The following ANO1 variants were observed in gnomAD, a reference collection of about 807,000 sequenced individuals.
ANO1 encodes anoctamin 1.
Under a neutral mutation model 124.0 loss-of-function variants are expected in ANO1, and 59 were observed. That is an observed-to-expected ratio of 0.48 (90% CI 0.39 to 0.59). ANO1 has a LOEUF of 0.59. ANO1 is among the 20% of genes least tolerant of loss of function. The probability of loss-of-function intolerance (pLI) is 0.00; values close to 1 mark genes in which losing one functional copy is unlikely to be tolerated. For synonymous variants in ANO1, 529 were observed against 532.0 expected, an observed-to-expected ratio of 0.99 and a Z score of 0.08; for missense variants, 1,059 against 1,328.0, an observed-to-expected ratio of 0.80 and a Z score of 3.15.
At chr11:69,980,013 C>T in the ANO1 span, among the ~76,000 whole-genome samples, 5 of 152,046 alleles carry the variant, frequency 3.3e-5, no homozygotes, top group Admixed American at 1.3e-4. Flanking sequence ...ATGAAACTTC[C>T]GTTCATGGCC....
At chr11:70,013,449 G>A (rs1856637556) in intron 1 of ANO1, among the ~76,000 whole-genome samples, 1 of 152,016 alleles carries the variant, frequency 6.6e-6, no homozygotes, top group Non-Finnish European at 1.5e-5. Flanking sequence ...CATGTCCCAG[G>A]CATACATTAT....
intron 2 of ANO1, among the ~76,000 whole-genome samples, chr11:70,102,387 G>A (rs1034516960): frequency 6.6e-6 from 1 of 152,224 alleles, no homozygotes; most frequent in African/African-American, 2.4e-5. Flanking sequence ...GTGACTCTCT[G>A]CTGTTCACTG....
chr11:70,104,337 TA>T (rs938913714), intron 4 of ANO1, among the ~76,000 whole-genome samples, 187 bp downstream of exon 4: 2 of 152,146 alleles, frequency 1.3e-5, no homozygotes, highest in African/African-American at 2.4e-5. Flanking sequence ...ACTGATGAGT[TA>T]GGGGGACACA....
At chr11:70,163,005 C>G (rs1053852799) in intron 18 of ANO1, among the ~76,000 whole-genome samples, 5 of 152,250 alleles carry the variant, frequency 3.3e-5, no homozygotes, top group African/African-American at 1.2e-4. Context: ...GCCTTAATCC[C>G]CTCCTGGGCC....
At chr11:70,107,659 G>A (rs529832397) in intron 5 of ANO1, among the ~76,000 whole-genome samples, 1 of 152,340 alleles carries the variant, frequency 6.6e-6, no homozygotes, top group South Asian at 2.1e-4. Context: ...GGCCGGGAGT[G>A]GTGATGTCGC....
intron 8 of ANO1, 180 bp downstream of exon 8, chr11:70,116,679 C>T (rs1200726910): frequency 1.7e-5 from 10 of 583,460 alleles, no homozygotes; most frequent in East Asian, 2.9e-5. Flanking sequence ...AGTCCGTGAG[C>T]TTTGTGTGGC....
the ANO1 span, among the ~76,000 whole-genome samples, chr11:69,968,561 CA>C: frequency 0.021 from 3,184 of 152,324 alleles, 54 homozygotes; most frequent in Non-Finnish European, 0.035. Context: ...GGCGTGCTGC[CA>C]AAGTTCTGTG....
At chr11:70,163,068 C>G (rs2048119443) in intron 18 of ANO1, among the ~76,000 whole-genome samples, 1 of 152,252 alleles carries the variant, frequency 6.6e-6, no homozygotes, top group Admixed American at 6.5e-5. Context: ...GTTCCTTTTT[C>G]TGACCCCTCT....
intron 1 of ANO1, chr11:70,085,803 G>GTGGA: frequency 8.6e-7 from 1 of 1,159,918 alleles, no homozygotes; most frequent in Non-Finnish European, 1.2e-6. Flanking sequence ...TTTGGGGAGG[G>GTGGA]GCTCCACCCT....
intron 25 of ANO1, among the ~76,000 whole-genome samples, chr11:70,186,320 A>AGAG (rs1156595512): frequency 7.2e-6 from 1 of 138,660 alleles, no homozygotes; most frequent in African/African-American, 2.8e-5. Context: ...AAGGAGAAGG[A>AGAG]GAGGAGGAGG....
chr11:70,132,072 C>A lies in ANO1; in HGVS notation c.1251C>A (p.Ala417=). Residue 417 remains alanine, a synonymous_variant, in exon 11 of 26, where the codon GCC becomes GCA. Coordinates refer to ENST00000355303, the MANE Select transcript of ANO1 (RefSeq NM_018043.7). The stretch of plus-strand genomic sequence containing the variant: ...CGGTCTTCTTCTCTGTCTTCATGGC[C>A]CTCTGGGGTAAGCAGGGCTCCAGAG... ...PATVFFSVFM[A]LWAATFMEHW... The A allele has an allele frequency of 6.3e-7, 1 of 1,592,836 alleles. No homozygotes were observed.
At chr11:70,038,184 C>A (rs1857125682) in intron 1 of ANO1, among the ~76,000 whole-genome samples, 1 of 152,318 alleles carries the variant, frequency 6.6e-6, no homozygotes, top group East Asian at 1.9e-4. Flanking sequence ...CTTGACCTGG[C>A]ATTCTTGGAC....
chr11:70,181,357 C>T (rs2135834080), intron 23 of ANO1, among the ~76,000 whole-genome samples: 1 of 152,316 alleles, frequency 6.6e-6, no homozygotes, highest in South Asian at 2.1e-4. Context: ...CGGAGAAGGG[C>T]CCCTCAGAGC....
intron 2 of ANO1, among the ~76,000 whole-genome samples, chr11:70,099,796 G>A (rs537668515): frequency 6.6e-6 from 1 of 152,328 alleles, no homozygotes; most frequent in East Asian, 1.9e-4. Context: ...AGTTTGCGAT[G>A]AGGAAATGTA....
intron 7 of ANO1, among the ~76,000 whole-genome samples, chr11:70,114,412 C>CA (rs1274954293): frequency 6.6e-6 from 1 of 152,224 alleles, no homozygotes; most frequent in Admixed American, 6.5e-5. Flanking sequence ...CGCGTGCACC[C>CA]ATGTCCTTAC....
chr11:69,993,239 T>A (rs1480127103), intron 1 of ANO1, among the ~76,000 whole-genome samples: 1 of 152,210 alleles, frequency 6.6e-6, no homozygotes, highest in Admixed American at 6.5e-5. Context: ...ACTTAATTCT[T>A]TCCCTTTTAC....
At chr11:70,122,431 T>C in intron 8 of ANO1, among the ~76,000 whole-genome samples, 4 of 134,970 alleles carry the variant, frequency 3.0e-5, no homozygotes, top group African/African-American at 1.2e-4. Context: ...TCTCTGTCTC[T>C]CTCCACCTCC....
In ANO1 at chr11:70,149,810, C is replaced by T. The variant is rs374010347; in HGVS notation, c.1341+18C>T. 1.2e-5 allele frequency: 19 copies of T among 1,612,134 alleles called. No homozygotes were observed. The highest frequency in any genetic ancestry group is 3.3e-4 in the Middle Eastern group (2 of 6,058). ...AGGAAGAGGTCAGTGGGTTTGCCGC[C>T]GTGCATATCACGCCCTTCCCCCACG... On this transcript the variant is annotated intron_variant, in intron 12 of 25. Coordinates refer to ENST00000355303, the MANE Select transcript of ANO1 (RefSeq NM_018043.7).
chr11:70,095,246 A>AG (rs1289333815), intron 2 of ANO1, among the ~76,000 whole-genome samples: 3 of 129,952 alleles, frequency 2.3e-5, no homozygotes, highest in South Asian at 2.6e-4. Flanking sequence ...AGAAAGAAAA[A>AG]GAAAGGAAGG....
Sources: allele counts gnomAD v4.1 joint callset (sites outside exome capture counted in the v4.1 genomes callset), GRCh38; gene constraint gnomAD v4.1.1; transcripts MANE v1.5; gene names NCBI Gene and HGNC (gene_info 2026-07-23, HGNC 2026-07-21).